The following PPFIA2 variants were observed in gnomAD, a reference collection of about 807,000 sequenced individuals.
PPFIA2 encodes the protein PPFI scaffold protein A2.
PPFIA2 carries 46 observed loss-of-function variants against 175.5 expected under a neutral mutation model. The ratio of observed to expected loss-of-function variants is 0.26; its 90% CI spans 0.21 to 0.34. The LOEUF (loss-of-function observed/expected upper bound fraction) is 0.34, where lower values mean the gene tolerates loss of function less well. PPFIA2 is among the 10% of genes least tolerant of loss of function. The pLI, the probability that PPFIA2 is intolerant of heterozygous loss-of-function variation, is 1.00. For missense variants in PPFIA2, 1,179 were observed against 1,506.1 expected (o/e 0.78, Z 3.60); for synonymous variants, 568 against 511.4 (o/e 1.11, Z -1.49).
rs1317631945 is a variant in PPFIA2, at chr12:81,375,786, G to T, written c.1131+10C>A. The T allele has an allele frequency of 6.3e-7, 1 of 1,598,284 alleles. No individual in the cohort carries two copies. Among genetic ancestry groups the T allele is most frequent in the African/African-American group, 1.3e-5 (1 of 74,426 alleles). The stretch of plus-strand genomic sequence containing the variant: ...CAGACCAGAAGAAAACCAAGACAGA[G>T]ATACTGAACCTGCCGCAGGATAGCT... On this transcript the variant is annotated intron_variant, in intron 10 of 32. Transcript: ENST00000549396.
intron 4 of PPFIA2, among the ~76,000 whole-genome samples, chr12:81,638,945 C>A (rs1339620520): frequency 6.6e-6 from 1 of 151,876 alleles, no homozygotes; most frequent in Non-Finnish European, 1.5e-5. Flanking sequence ...CCTCGGCCTC[C>A]CAAAGTGCTG....
chr12:81,341,605 AGTGTTAGAGTAGTTTAT>A (rs1238603835), intron 19 of PPFIA2, among the ~76,000 whole-genome samples: 1 of 152,144 alleles, frequency 6.6e-6, no homozygotes, highest in Non-Finnish European at 1.5e-5. Flanking sequence ...AGCTATCATT[AGTGTTAGAGTAGTTTAT>A]GTGTGGCCCA....
chr12:81,642,290 C>T (rs1264470478), intron 4 of PPFIA2, among the ~76,000 whole-genome samples: 5 of 151,782 alleles, frequency 3.3e-5, no homozygotes, highest in African/African-American at 1.2e-4. Context: ...CAGATTAGCT[C>T]CAGTTATAGA....
chr12:81,571,242 G>A (rs759017113), intron 4 of PPFIA2, among the ~76,000 whole-genome samples: 2 of 151,964 alleles, frequency 1.3e-5, no homozygotes, highest in South Asian at 4.1e-4. Flanking sequence ...AATTGTGGTG[G>A]CCCATTACTG....
At chr12:81,707,317 AT>A (rs1375542851) in intron 3 of PPFIA2, among the ~76,000 whole-genome samples, 10 of 152,042 alleles carry the variant, frequency 6.6e-5, no homozygotes, top group Non-Finnish European at 1.5e-4. Flanking sequence ...ACTCAAACAA[AT>A]TTACAAGAAA....
intron 4 of PPFIA2, among the ~76,000 whole-genome samples, chr12:81,631,203 C>T (rs2063344567): frequency 6.6e-6 from 1 of 152,010 alleles, no homozygotes; most frequent in Non-Finnish European, 1.5e-5. Context: ...GCTGGAAAGT[C>T]TATCAAATTT....
intron 3 of PPFIA2, among the ~76,000 whole-genome samples, chr12:81,737,623 T>C (rs2081780117): frequency 6.6e-6 from 1 of 151,984 alleles, no homozygotes; most frequent in Non-Finnish European, 1.5e-5. Context: ...ATTCCTCATA[T>C]TCAAGTTAGC....
At chr12:81,311,462 G>A (rs2050771722) in intron 22 of PPFIA2, among the ~76,000 whole-genome samples, 1 of 152,114 alleles carries the variant, frequency 6.6e-6, no homozygotes, top group Non-Finnish European at 1.5e-5. Flanking sequence ...GGCCCGGCGT[G>A]GTGGCTCACG....
At chr12:81,349,790 C>A (rs1192271547) in intron 17 of PPFIA2, among the ~76,000 whole-genome samples, 1 of 152,016 alleles carries the variant, frequency 6.6e-6, no homozygotes, top group East Asian at 1.9e-4. Flanking sequence ...ACAATAGTAG[C>A]TAACTATAAA....
At position 81,642,758 on chromosome 12, in the gene PPFIA2, A is replaced by G. The variant is rs867021145; in HGVS notation, c.303+34033T>C. Reference sequence around the variant, plus strand: ...ATATGTATGTATGTATTATATACATACATGTATATGTATGTATGTATTATA... The same window carrying G: ...ATATGTATGTATGTATTATATACATGCATGTATATGTATGTATGTATTATA... On this transcript the variant is annotated intron_variant, in intron 4 of 32. Coordinates refer to ENST00000549396, the MANE Select transcript of PPFIA2 (RefSeq NM_003625.5). Among the ~76,000 whole-genome samples the G allele has an allele frequency of 1.9e-4, 16 of 83,000 alleles. 6 individuals are homozygous for G. The highest frequency in any genetic ancestry group is 6.2e-4 in the African/African-American group (13 of 20,996). 54.5% of individuals were successfully genotyped at this position (83,000 alleles called of 152,430 possible). A position where few individuals can be genotyped will look rare whatever the true frequency, so the allele number is the denominator to read the frequency against.
Position 81,295,045 on chromosome 12 carries a change from A to G in PPFIA2, c.2725-10T>C, listed in dbSNP as rs749567523. On this transcript the variant is annotated splice_polypyrimidine_tract_variant and intron_variant, in intron 23 of 32. Transcript: ENST00000549396. ...GCATTCCCAACCAAAGCTGTTAGAT[A>G]GGAAAAAATACACTAACAAATTATA... 1 of 1,610,568 alleles carries G rather than the reference A, an allele frequency of 6.2e-7. No individual in the cohort carries two copies. Among genetic ancestry groups the G allele is most frequent in the Non-Finnish European group, 8.5e-7 (1 of 1,178,098 alleles).
intron 3 of PPFIA2, among the ~76,000 whole-genome samples, chr12:81,739,866 A>C (rs550700788): frequency 6.6e-6 from 1 of 152,140 alleles, no homozygotes; most frequent in African/African-American, 2.4e-5. Context: ...TTTAAAAAAG[A>C]AAAAAACAAA....
chr12:81,449,687 G>A (rs1050112524), intron 5 of PPFIA2, among the ~76,000 whole-genome samples: 11 of 151,774 alleles, frequency 7.2e-5, no homozygotes, highest in Admixed American at 1.3e-4. Flanking sequence ...TGTGCACAAC[G>A]TGCAGGTTTA....
intron 3 of PPFIA2, among the ~76,000 whole-genome samples, chr12:81,677,344 G>A (rs2072729488): frequency 6.6e-6 from 1 of 151,530 alleles, no homozygotes; most frequent in African/African-American, 2.4e-5. Flanking sequence ...CATTGTTTTG[G>A]AAACGTTCCA....
At chr12:81,462,893 C>T (rs1253335330) in intron 4 of PPFIA2, among the ~76,000 whole-genome samples, 1 of 151,880 alleles carries the variant, frequency 6.6e-6, no homozygotes, top group Admixed American at 6.6e-5. Context: ...GGGCCTATTG[C>T]TCTGAATAAT....
At chr12:81,668,782 G>A (rs2070845119) in intron 4 of PPFIA2, among the ~76,000 whole-genome samples, 1 of 151,942 alleles carries the variant, frequency 6.6e-6, no homozygotes, top group Non-Finnish European at 1.5e-5. Flanking sequence ...CAAAGAATGT[G>A]GGGATACTTA....
chr12:81,608,573 G>C (rs781537333), intron 4 of PPFIA2, among the ~76,000 whole-genome samples: 7 of 151,876 alleles, frequency 4.6e-5, no homozygotes, highest in Non-Finnish European at 1.5e-5. Flanking sequence ...TTTAAAATTT[G>C]TGTGCATAGA....
intron 4 of PPFIA2, among the ~76,000 whole-genome samples, chr12:81,484,652 C>T (rs1419472169): frequency 1.3e-5 from 2 of 151,834 alleles, no homozygotes; most frequent in East Asian, 3.9e-4. Context: ...ACATGCTAGG[C>T]CAGACCCTTA....
In PPFIA2 at chr12:81,277,342, C is replaced by A; in HGVS notation, c.3285G>T (p.Arg1095=). 6.4e-7 allele frequency: 1 copy of A among 1,569,392 alleles called. No individual in the cohort carries two copies. Among genetic ancestry groups the A allele is most frequent in the Non-Finnish European group, 8.6e-7 (1 of 1,156,328 alleles). Reference sequence around the variant, plus strand: ...CTTTTATTTCATGTTGGCTTGCTTCCCGTCTTCTTTCTAGTTCTTTTCTGT... The same window carrying A: ...CTTTTATTTCATGTTGGCTTGCTTCACGTCTTCTTTCTAGTTCTTTTCTGT... ...NYDRKELERR[R]EASQHEIKDV... The change falls in exon 28 of 33, where the codon CGG becomes CGT. Residue 1095 remains arginine (R), a synonymous_variant. Transcript: ENST00000549396.
Sources: allele counts gnomAD v4.1 joint callset (sites outside exome capture counted in the v4.1 genomes callset), GRCh38; gene constraint gnomAD v4.1.1; transcripts MANE v1.5; gene names NCBI Gene and HGNC (gene_info 2026-07-23, HGNC 2026-07-21).